The following C1QTNF1 variants were observed in gnomAD, a reference collection of about 807,000 sequenced individuals.
The protein encoded by C1QTNF1 is complement C1q tumor necrosis factor-related protein 1.
Under a neutral mutation model 27.8 loss-of-function variants are expected in C1QTNF1, and 22 were observed. The observed-to-expected ratio is 0.79, with a 90% CI of 0.56 to 1.13. The LOEUF is 1.13. C1QTNF1 is among the 50% of genes most tolerant of loss of function. The pLI is 0.00. For missense variants in C1QTNF1, 373 were observed against 380.2 expected (o/e 0.98, Z 0.16); for synonymous variants, 166 against 154.3 (o/e 1.08, Z -0.56).
At chr17:79,032,573 G>A (rs1402143452) in intron 1 of C1QTNF1, among the ~76,000 whole-genome samples, 1 of 152,226 alleles carries the variant, frequency 6.6e-6, no homozygotes, top group Non-Finnish European at 1.5e-5. Context: ...ATGGAGAGGA[G>A]AGGAGACCTG....
At chr17:79,041,353 C>CG (rs975471009) in intron 1 of C1QTNF1, among the ~76,000 whole-genome samples, 2 of 152,018 alleles carry the variant, frequency 1.3e-5, no homozygotes, top group African/African-American at 4.8e-5. Flanking sequence ...GAGAGAGGTT[C>CG]GGGGGGGCCA....
At chr17:79,045,697 G>A (rs954891656) in intron 2 of C1QTNF1, among the ~76,000 whole-genome samples, 53 of 152,212 alleles carry the variant, frequency 3.5e-4, no homozygotes, top group African/African-American at 1.1e-3. Flanking sequence ...TTCCAGGGGC[G>A]AAGGGATGGG....
At chr17:79,030,319 TTGTGTGTG>T (rs142110810) in intron 1 of C1QTNF1, among the ~76,000 whole-genome samples, 4 of 147,828 alleles carry the variant, frequency 2.7e-5, no homozygotes, top group Non-Finnish European at 6.0e-5. Flanking sequence ...CTTTGTGGTT[TTGTGTGTG>T]TGTGTGTGTG....
rs191793199 is a variant in C1QTNF1, at chr17:79,043,701, G to T, written c.-14-254G>T. ...TGTGTGTTGAGTGTGTGCATGTGTGGGGGTTGCATGTATGTGAATGTGTGT... is the reference window on the plus strand; with the variant it reads ...TGTGTGTTGAGTGTGTGCATGTGTGTGGGTTGCATGTATGTGAATGTGTGT... On this transcript the variant is annotated intron_variant, in intron 1 of 3. Coordinates refer to ENST00000579760, the MANE Select transcript of C1QTNF1 (RefSeq NM_030968.5). The T allele has an allele frequency of 3.5e-3, 2,114 of 602,996 alleles. 14 individuals are homozygous for T. Among genetic ancestry groups the T allele is most frequent in the South Asian group, 4.2e-3 (275 of 65,844 alleles). 37.4% of individuals were successfully genotyped at this position (602,996 alleles called of 1,614,324 possible). A position where few individuals can be genotyped will look rare whatever the true frequency, so the allele number is the denominator to read the frequency against.
chr17:79,037,058 C>T (rs140055472), intron 1 of C1QTNF1, among the ~76,000 whole-genome samples: 4 of 152,260 alleles, frequency 2.6e-5, no homozygotes, highest in East Asian at 1.9e-4. Context: ...CATGAGAGCA[C>T]GGAGGTGAAA....
chr17:79,046,591 G>A lies in C1QTNF1; in HGVS notation c.192G>A (p.Gln64=), dbSNP rs1195073222. The A allele has an allele frequency of 6.2e-7, 1 of 1,614,128 alleles. No individual in the cohort carries two copies. Among genetic ancestry groups the A allele is most frequent in the Non-Finnish European group, 8.5e-7 (1 of 1,180,040 alleles). ...EEQHEKYRPS[Q]DQGLPASRCL... is the part of the protein sequence containing the mutation. The stretch of plus-strand genomic sequence containing the variant: ...AACATGAAAAATACAGGCCCAGTCA[G>A]GACCAGGGGCTCCCTGCTTCCCGGT... The change falls in exon 3 of 4, where the codon CAG becomes CAA. Residue 64 remains glutamine (Q), a synonymous_variant. Transcript: ENST00000579760. The surrounding 1 kb of genome is among the most constrained non-coding windows in gnomAD (Gnocchi z 4.8).
At chr17:79,025,442 G>A (rs1386839966) in intron 1 of C1QTNF1, among the ~76,000 whole-genome samples, 3 of 152,126 alleles carry the variant, frequency 2.0e-5, no homozygotes, top group Admixed American at 6.5e-5. Flanking sequence ...ACCCCACCTA[G>A]TTTCTAGGAA....
intron 1 of C1QTNF1, chr17:79,043,186 TAA>T: frequency 2.2e-6 from 1 of 450,194 alleles, no homozygotes; most frequent in Non-Finnish European, 4.5e-6. Flanking sequence ...TGAGTGCATG[TAA>T]AAGTGTGCAT....
intron 1 of C1QTNF1, among the ~76,000 whole-genome samples, chr17:79,033,255 C>G (rs540192878): frequency 1.3e-5 from 2 of 151,946 alleles, no homozygotes; most frequent in East Asian, 3.9e-4. Flanking sequence ...GCTCCTTGGC[C>G]GAGAACTGGA....
chr17:79,046,579 C>T lies in C1QTNF1; in HGVS notation c.180C>T (p.Tyr60=). 1 of 1,614,204 alleles carries T rather than the reference C, an allele frequency of 6.2e-7. No homozygotes were observed. The highest frequency in any genetic ancestry group is 2.2e-5 in the East Asian group (1 of 44,886). Residue 60 remains tyrosine (Y), a synonymous_variant, in exon 3 of 4, where the codon TAC becomes TAT. Coordinates refer to ENST00000579760, the MANE Select transcript of C1QTNF1 (RefSeq NM_030968.5). This position sits in a 1 kb window ranked among gnomAD's most constrained non-coding sequence, Gnocchi z 4.8. The stretch of plus-strand genomic sequence containing the variant: ...GGGCTGAAGAACAACATGAAAAATA[C>T]AGGCCCAGTCAGGACCAGGGGCTCC... The part of the protein sequence containing the change: ...AERAEEQHEK[Y]RPSQDQGLPA...
chr17:79,025,405 C>A (rs772185459), intron 1 of C1QTNF1, among the ~76,000 whole-genome samples: 20 of 152,276 alleles, frequency 1.3e-4, no homozygotes, highest in Admixed American at 9.8e-4. Context: ...AAGCCGCCCC[C>A]CTCTGTGAGG....
chr17:79,047,547 G>T lies in C1QTNF1; in HGVS notation c.305G>T (p.Gly102Val). The T allele has an allele frequency of 1.3e-6, 2 of 1,525,858 alleles. No individual in the cohort carries two copies. The highest frequency in any genetic ancestry group is 1.8e-6 in the Non-Finnish European group (2 of 1,138,584). The allele number at this position is 1,525,858 out of a possible 1,614,324, so 94.5% of individuals were successfully genotyped here. ...INITILKGEK[G>V]DRGDRGLQGK... ...TTCCCATCCCTTTTAGGGGAGAAGG[G>T]TGACCGCGGAGATCGAGGCCTCCAA... Residue 102 changes from glycine (G) to valine (V), a missense_variant, in exon 4 of 4, where the codon GGT becomes GTT. Coordinates refer to ENST00000579760, the MANE Select transcript of C1QTNF1 (RefSeq NM_030968.5).
chr17:79,047,474 A>T, intron 3 of C1QTNF1, 64 bp from the exon 4 acceptor site: 1 of 1,453,548 alleles, frequency 6.9e-7, no homozygotes, highest in South Asian at 1.4e-5. Flanking sequence ...GAGAGTGAGC[A>T]GCCAAGGCTC....
chr17:79,025,844 C>T (rs1359899140), intron 1 of C1QTNF1: 9 of 407,448 alleles, frequency 2.2e-5, no homozygotes, highest in Non-Finnish European at 4.5e-5. Context: ...CTGGAGAGGC[C>T]CCTAGAGTCC....
intron 1 of C1QTNF1, among the ~76,000 whole-genome samples, chr17:79,025,512 C>T (rs1599272718): frequency 6.6e-6 from 1 of 152,090 alleles, no homozygotes; most frequent in South Asian, 2.1e-4. Context: ...TGAGAAATGC[C>T]GTGAGAAACT....
chr17:79,043,762 G>T (rs772690928), intron 1 of C1QTNF1, 193 bp from the exon 2 acceptor site: 8 of 695,564 alleles, frequency 1.2e-5, no homozygotes, highest in South Asian at 4.5e-5. Context: ...CGTCGTGAGT[G>T]CGTGTATGCA....
chr17:79,029,104 T>C (rs2072058051), intron 1 of C1QTNF1, among the ~76,000 whole-genome samples: 1 of 152,174 alleles, frequency 6.6e-6, no homozygotes, highest in African/African-American at 2.4e-5. Context: ...TAATCCTCTG[T>C]TGAATGATGA....
upstream of C1QTNF1, among the ~76,000 whole-genome samples, chr17:79,023,704 G>GCA (rs5822269): frequency 0.028 from 4,020 of 144,992 alleles, 85 homozygotes; most frequent in African/African-American, 0.066. Flanking sequence ...GCGCGCGCGC[G>GCA]CACACACACA....
Position 79,047,891 on chromosome 17 carries a change from G to C in C1QTNF1, c.649G>C (p.Glu217Gln). The C allele has an allele frequency of 6.2e-7, 1 of 1,614,216 alleles. No homozygotes were observed. Among genetic ancestry groups the C allele is most frequent in the Non-Finnish European group, 8.5e-7 (1 of 1,180,038 alleles). The change falls in exon 4 of 4, where the codon GAG (glutamate) becomes CAG (glutamine). Residue 217 changes from glutamate to glutamine, a missense_variant. Physicochemically the swap from Glu to Gln is conservative, Grantham distance 29. Coordinates refer to ENST00000579760, the MANE Select transcript of C1QTNF1 (RefSeq NM_030968.5). ...TYLHIMKNEE[E>Q]VVILFAQVGD... is the part of the protein sequence containing the mutation. ...CCTGCACATCATGAAGAACGAGGAG[G>C]AGGTGGTGATCTTGTTCGCGCAGGT...
Sources: allele counts gnomAD v4.1 joint callset (sites outside exome capture counted in the v4.1 genomes callset), GRCh38; gene constraint gnomAD v4.1.1; non-coding constraint Gnocchi (gnomAD v3.1); transcripts MANE v1.5; gene names NCBI Gene and HGNC (gene_info 2026-07-23, HGNC 2026-07-21).